Variants in GREB1L observed in about 807,000 individuals in gnomAD.
The protein encoded by GREB1L is GREB1-like protein.
GREB1L carries 17 observed loss-of-function variants against 200.8 expected under a neutral mutation model. The ratio of observed to expected loss-of-function variants is 0.08; its 90% CI spans 0.06 to 0.13. The LOEUF (loss-of-function observed/expected upper bound fraction) is 0.13, where lower values mean the gene tolerates loss of function less well. Among genes scored for constraint, GREB1L ranks in the 10% least tolerant of loss-of-function variants. GREB1L has a pLI of 1.00. For missense variants in GREB1L, 1,657 were observed against 2,367.7 expected, an observed-to-expected ratio of 0.70 and a Z score of 6.23; for synonymous variants, 789 against 893.0, an observed-to-expected ratio of 0.88 and a Z score of 2.08.
chr18:21,278,115 T>TA (rs1044107158), intron 1 of GREB1L, among the ~76,000 whole-genome samples: 9 of 152,116 alleles, frequency 5.9e-5, no homozygotes, highest in Non-Finnish European at 8.8e-5. Flanking sequence ...CACAGTGGCT[T>TA]ATGCCTGTAG....
chr18:21,443,828 C>T (rs189950475), intron 10 of GREB1L, among the ~76,000 whole-genome samples: 1 of 152,346 alleles, frequency 6.6e-6, no homozygotes, highest in East Asian at 1.9e-4. Flanking sequence ...AACCACCTCT[C>T]CATTGCTTGT....
chr18:21,388,234 TAAAAGATA>T (rs2040625609), intron 4 of GREB1L, among the ~76,000 whole-genome samples: 1 of 152,164 alleles, frequency 6.6e-6, no homozygotes, highest in African/African-American at 2.4e-5. Flanking sequence ...AGCTACATGG[TAAAAGATA>T]AAATAGAACT....
intron 12 of GREB1L, 93 bp downstream of exon 12, chr18:21,449,929 T>C (rs2034438347): frequency 2.1e-6 from 2 of 955,248 alleles, no homozygotes; most frequent in Non-Finnish European, 3.0e-6. Flanking sequence ...GGCATCCACA[T>C]AATCAACCTC....
At chr18:21,460,591 C>T (rs2035002310) in intron 15 of GREB1L, among the ~76,000 whole-genome samples, 1 of 152,130 alleles carries the variant, frequency 6.6e-6, no homozygotes. Context: ...CCACCCGCCT[C>T]GGCCTCCCAA....
chr18:21,486,349 G>A (rs1337729470), intron 18 of GREB1L, among the ~76,000 whole-genome samples: 2 of 143,834 alleles, frequency 1.4e-5, no homozygotes, highest in South Asian at 2.2e-4. Flanking sequence ...GCGAGACTCC[G>A]TCTCAAAAAA....
intron 2 of GREB1L, among the ~76,000 whole-genome samples, chr18:21,368,828 AGACC>A (rs1475460221): frequency 6.6e-6 from 1 of 152,162 alleles, no homozygotes; most frequent in East Asian, 1.9e-4. Context: ...ATTACACAGG[AGACC>A]TTGTTTCTGG....
intron 15 of GREB1L, among the ~76,000 whole-genome samples, chr18:21,461,687 C>T (rs2035054220): frequency 6.6e-6 from 1 of 152,180 alleles, no homozygotes. Flanking sequence ...TGCAGTTCTC[C>T]AGCCCTGGCA....
chr18:21,312,698 C>T (rs973964655), intron 1 of GREB1L, among the ~76,000 whole-genome samples: 2 of 152,012 alleles, frequency 1.3e-5, no homozygotes, highest in Non-Finnish European at 2.9e-5. Context: ...TGACTACAGG[C>T]GCATGCCACC....
At chr18:21,443,210 T>A (rs2034005400) in intron 10 of GREB1L, among the ~76,000 whole-genome samples, 1 of 145,040 alleles carries the variant, frequency 6.9e-6, no homozygotes, top group Non-Finnish European at 1.5e-5. Context: ...TGGCCAGTGT[T>A]TTTTGTTTTT....
intron 17 of GREB1L, among the ~76,000 whole-genome samples, chr18:21,481,899 C>G (rs1397388784): frequency 6.6e-6 from 1 of 152,162 alleles, no homozygotes; most frequent in Non-Finnish European, 1.5e-5. Context: ...TCACATAGTA[C>G]TGCTGTAACA....
intron 17 of GREB1L, among the ~76,000 whole-genome samples, chr18:21,479,107 C>T (rs2035819997): frequency 6.6e-6 from 1 of 152,016 alleles, no homozygotes; most frequent in Non-Finnish European, 1.5e-5. Context: ...GTCTCGAACT[C>T]GCAACCTCAG....
chr18:21,463,111 G>A (rs1360617116), intron 15 of GREB1L, among the ~76,000 whole-genome samples: 3 of 145,332 alleles, frequency 2.1e-5, no homozygotes, highest in African/African-American at 5.0e-5. Context: ...GGAGAGAGCC[G>A]ATAGGTAAAT....
intron 1 of GREB1L, among the ~76,000 whole-genome samples, chr18:21,259,913 T>C (rs1401642504): frequency 6.6e-6 from 1 of 151,862 alleles, no homozygotes; most frequent in East Asian, 1.9e-4. Flanking sequence ...TCAACTCATA[T>C]CCTTTTTTTT....
intron 31 of GREB1L, among the ~76,000 whole-genome samples, chr18:21,519,839 TCTTA>T (rs891504137): frequency 1.6e-4 from 25 of 152,226 alleles, no homozygotes; most frequent in African/African-American, 2.4e-4. Context: ...CTCCCAACTA[TCTTA>T]CTTACTTCTC....
At chr18:21,443,921 T>A (rs2034060032) in intron 10 of GREB1L, among the ~76,000 whole-genome samples, 1 of 152,266 alleles carries the variant, frequency 6.6e-6, no homozygotes, top group Non-Finnish European at 1.5e-5. Context: ...CAAGTTTCAC[T>A]TCTTGGAACT....
intron 7 of GREB1L, among the ~76,000 whole-genome samples, chr18:21,438,005 T>C (rs979330751): frequency 7.9e-5 from 12 of 152,186 alleles, no homozygotes; most frequent in African/African-American, 2.2e-4. Context: ...TGTAGATGTT[T>C]ATTATAGGCT....
chr18:21,269,535 G>A (rs1465706936), intron 1 of GREB1L, among the ~76,000 whole-genome samples: 4 of 152,004 alleles, frequency 2.6e-5, no homozygotes, highest in Non-Finnish European at 5.9e-5. Context: ...TAATGCCTTA[G>A]GCAACAAGTG....
At chr18:21,373,307 A>T (rs1181515071) in intron 2 of GREB1L, among the ~76,000 whole-genome samples, 1 of 152,122 alleles carries the variant, frequency 6.6e-6, no homozygotes, top group African/African-American at 2.4e-5. Context: ...TTACAAAGTG[A>T]TAATTTTATA....
At chr18:21,459,279 C>CTTT (rs746568414) in intron 15 of GREB1L, among the ~76,000 whole-genome samples, 108 of 85,912 alleles carry the variant, frequency 1.3e-3, no homozygotes, top group East Asian at 1.9e-3. Flanking sequence ...TTTTTCTTTA[C>CTTT]TTTTTTTTTT....
Sources: gnomAD v4.1 joint callset for allele counts (sites outside exome capture counted in the v4.1 genomes callset) on GRCh38, gnomAD v4.1.1 for gene constraint, MANE v1.5 for transcripts, NCBI Gene and HGNC (gene_info 2026-07-23, HGNC 2026-07-21) for gene names.